The following DIMT1 variants were observed in gnomAD, a reference collection of about 807,000 sequenced individuals.
The protein encoded by DIMT1 is dimethyladenosine transferase.
A neutral mutation model predicts 43.2 loss-of-function variants in DIMT1; 36 were observed. The ratio of observed to expected loss-of-function variants is 0.83; its 90% CI spans 0.64 to 1.10. The LOEUF (loss-of-function observed/expected upper bound fraction) is 1.10, where lower values mean the gene tolerates loss of function less well. Among genes scored for constraint, DIMT1 ranks in the 50% least tolerant of loss-of-function variants. The pLI is 0.00. For missense variants in DIMT1, 341 were observed against 385.3 expected (o/e 0.88, Z 0.96); for synonymous variants, 126 against 130.3 (o/e 0.97, Z 0.22).
chr5:62,398,760 G>A (rs767158191), intron 4 of DIMT1, 21 bp from the exon 5 acceptor site: 47 of 1,613,730 alleles, frequency 2.9e-5, no homozygotes, highest in Non-Finnish European at 3.5e-5. Context: ...AAGAAGAAAT[G>A]TAAAAAGAAT....
chr5:62,389,980 A>G (rs1580117851), intron 11 of DIMT1, among the ~76,000 whole-genome samples: 1 of 152,264 alleles, frequency 6.6e-6, no homozygotes, highest in Non-Finnish European at 1.5e-5. Context: ...ATAGTATTCA[A>G]TGCCTAGGAT....
Position 62,403,901 on chromosome 5 carries a change from G to C in DIMT1, c.-129C>G, listed in dbSNP as rs1458483893. ...CCACTCTGGCCCAAGCGCCGGAGGG[G>C]CAAGGGTCCGCCCCCTCCCGTACGC... is the stretch of plus-strand genomic sequence containing the variant. On this transcript the variant is annotated 5_prime_UTR_variant, in exon 1 of 12. Coordinates refer to ENST00000199320, the MANE Select transcript of DIMT1 (RefSeq NM_014473.4). 2.7e-5 allele frequency: 25 copies of C among 938,374 alleles called. No individual in the cohort carries two copies. Among genetic ancestry groups the C allele is most frequent in the Non-Finnish European group, 3.6e-5 (23 of 634,042 alleles). 58.1% of individuals were successfully genotyped at this position (938,374 alleles called of 1,614,324 possible).
At chr5:62,394,375 T>C in intron 7 of DIMT1, 109 bp downstream of exon 7, 2 of 1,199,476 alleles carry the variant, frequency 1.7e-6, no homozygotes, top group Non-Finnish European at 2.4e-6. Flanking sequence ...CTCGAGAAGA[T>C]TGCTTGAGTA....
chr5:62,389,187 AT>A (rs1357437468), intron 11 of DIMT1, 135 bp from the exon 12 acceptor site: 1 of 726,008 alleles, frequency 1.4e-6, no homozygotes, highest in Non-Finnish European at 2.2e-6. Flanking sequence ...AATACTAGTT[AT>A]TAAAGAAACG....
intron 1 of DIMT1, 103 bp downstream of exon 1, chr5:62,403,590 GT>G: frequency 7.2e-7 from 1 of 1,383,496 alleles, no homozygotes; most frequent in Non-Finnish European, 1.0e-6. Context: ...ACGGGAGCGC[GT>G]CCTGACCGGC....
In DIMT1 at chr5:62,403,365, C is replaced by T. The variant is rs1475284479; in HGVS notation, c.80-19G>A. The T allele has an allele frequency of 1.2e-6, 2 of 1,610,062 alleles. No homozygotes were observed. Among genetic ancestry groups the T allele is most frequent in the Non-Finnish European group, 1.7e-6 (2 of 1,176,406 alleles). On this transcript the variant is annotated intron_variant, in intron 1 of 11. Transcript: ENST00000199320. Reference sequence around the variant, plus strand: ...ATGAGTCCTGTAAGAAAATACGAAACAGCATTAATTTTCCTACTGAGATTA... The same window carrying T: ...ATGAGTCCTGTAAGAAAATACGAAATAGCATTAATTTTCCTACTGAGATTA...
At position 62,394,555 on chromosome 5, in the gene DIMT1, G is replaced by A. The variant is rs778573002; in HGVS notation, c.499C>T (p.Pro167Ser). 8.1e-6 allele frequency: 13 copies of A among 1,614,066 alleles called. No homozygotes were observed. Among genetic ancestry groups the A allele is most frequent in the Non-Finnish European group, 9.3e-6 (11 of 1,180,034 alleles). Residue 167 changes from proline (P) to serine (S), a missense_variant, in exon 7 of 12, where the codon CCT becomes TCT. Pro to Ser is a moderately conservative substitution (Grantham distance 74, BLOSUM62 -1). Transcript: ENST00000199320. The part of the protein sequence containing the change: ...REFALRLVAK[P>S]GDKLYCRLSI... ...AGTCTGCAGTATAACTTATCTCCAG[G>A]TTTTGCAACCAGTCGGAGGGCAAAT...
intron 6 of DIMT1, 123 bp from the exon 7 acceptor site, chr5:62,394,730 G>T: frequency 2.5e-5 from 35 of 1,376,256 alleles, no homozygotes; most frequent in Non-Finnish European, 3.5e-5. Context: ...TAAGGTAGGA[G>T]AACACATTCA....
At position 62,387,407 on chromosome 5, in the gene DIMT1, C is replaced by A. The variant is rs942512288; in HGVS notation, c.*1603G>T. 1 of 152,120 alleles carries A rather than the reference C, an allele frequency of 6.6e-6. No homozygotes were observed. The highest frequency in any genetic ancestry group is 2.4e-5 in the African/African-American group (1 of 41,396). The allele number at this position is 152,120 out of a possible 1,614,324, so 9.4% of individuals were successfully genotyped here. ...ATGTGAATTTGCTCATTTTAAAGCACAACAGATGATTAGCTTCAAATTTAT... is the reference window on the plus strand; with the variant it reads ...ATGTGAATTTGCTCATTTTAAAGCAAAACAGATGATTAGCTTCAAATTTAT... On this transcript the variant is annotated 3_prime_UTR_variant, in exon 12 of 12. Transcript: ENST00000199320.
chr5:62,388,922 A>G lies in DIMT1; in HGVS notation c.*88T>C. 1.6e-6 allele frequency: 2 copies of G among 1,226,246 alleles called. No individual in the cohort carries two copies. Among genetic ancestry groups the G allele is most frequent in the Non-Finnish European group, 2.3e-6 (2 of 851,562 alleles). The allele number at this position is 1,226,246 out of a possible 1,614,324, so 76.0% of individuals were successfully genotyped here. A position where few individuals can be genotyped will look rare whatever the true frequency, so the allele number is the denominator to read the frequency against. ...AAAATAGTCAAGTAAATAATGTCTCAGTAAAGCAAAAGCATTATCTTCTCA... is the reference window on the plus strand; with the variant it reads ...AAAATAGTCAAGTAAATAATGTCTCGGTAAAGCAAAAGCATTATCTTCTCA... On this transcript the variant is annotated 3_prime_UTR_variant, in exon 12 of 12. Coordinates refer to ENST00000199320, the MANE Select transcript of DIMT1 (RefSeq NM_014473.4).
chr5:62,394,280 A>G (rs1294365006), intron 7 of DIMT1, among the ~76,000 whole-genome samples: 1 of 152,212 alleles, frequency 6.6e-6, no homozygotes, highest in Non-Finnish European at 1.5e-5. Flanking sequence ...AACCTGGGCA[A>G]CATAGCAAAA....
At chr5:62,399,466 C>CAAAACA (rs70981003) in intron 3 of DIMT1, among the ~76,000 whole-genome samples, 250 of 148,684 alleles carry the variant, frequency 1.7e-3, no homozygotes, top group African/African-American at 5.4e-3. Flanking sequence ...ACTCTTGTCT[C>CAAAACA]AAAACAAAAA....
In DIMT1 at chr5:62,395,255, C is replaced by T. The variant is rs528351491; in HGVS notation, c.447-648G>A. 2.6e-5 allele frequency among the ~76,000 whole-genome samples: 4 copies of T among 152,066 alleles called. No individual in the cohort carries two copies. In the South Asian group the frequency reaches 8.3e-4, roughly 32 times the overall value. ...GGCCAGGCTGGTCTGGAACTCCTGA[C>T]CTCAGGTGATCCGCCCACCTCAGCC... On this transcript the variant is annotated intron_variant, in intron 6 of 11. Coordinates refer to ENST00000199320, the MANE Select transcript of DIMT1 (RefSeq NM_014473.4).
rs770759775 is a variant in DIMT1 at position 62,403,279 on chromosome 5, G to A, written c.147C>T (p.Ile49=). The A allele has an allele frequency of 6.2e-7, 1 of 1,613,402 alleles. No individual in the cohort carries two copies. The highest frequency in any genetic ancestry group is 8.5e-7 in the Non-Finnish European group (1 of 1,179,486). The part of the protein sequence containing the change: ...LKNPLIINSI[I]DKAALRPTDV... ...TTTCCTCTTCCACACCCACCTTATC[G>A]ATAATGCTGTTAATAATGAGAGGAT... The change falls in exon 2 of 12, where the codon ATC becomes ATT. Residue 49 remains isoleucine, a synonymous_variant. Transcript: ENST00000199320.
At chr5:62,393,887 T>C (rs1742389487) in intron 8 of DIMT1, 68 bp downstream of exon 8, 2 of 1,397,248 alleles carry the variant, frequency 1.4e-6, no homozygotes, top group East Asian at 4.7e-5. Context: ...TTTCTGCTGT[T>C]ATAGGCACAC....
At chr5:62,397,391 G>A (rs1742535686) in intron 6 of DIMT1, among the ~76,000 whole-genome samples, 1 of 152,188 alleles carries the variant, frequency 6.6e-6, no homozygotes, top group African/African-American at 2.4e-5. Flanking sequence ...CATCTATCAA[G>A]TACAAAGTTT....
intron 3 of DIMT1, 142 bp from the exon 4 acceptor site, chr5:62,399,023 G>A (rs770083522): frequency 4.9e-5 from 36 of 729,272 alleles, no homozygotes; most frequent in Non-Finnish European, 7.1e-5. Context: ...AATTATACTC[G>A]CATACTTCAA....
At chr5:62,403,501 C>T (rs1010057592) in intron 1 of DIMT1, among the ~76,000 whole-genome samples, 155 bp from the exon 2 acceptor site, 8 of 152,362 alleles carry the variant, frequency 5.3e-5, no homozygotes, top group African/African-American at 1.7e-4. Flanking sequence ...ATAAGTTCAT[C>T]CTCCAGCTGG....
rs1427204441 is a variant in DIMT1 at position 62,402,043 on chromosome 5, G to A, written c.233C>T (p.Ala78Val). 6.2e-7 allele frequency: 1 copy of A among 1,606,536 alleles called. No individual in the cohort carries two copies. The highest frequency in any genetic ancestry group is 8.5e-7 in the Non-Finnish European group (1 of 1,177,880). ...GNMTVKLLEK[A>V]KKVVACELDP... ...ATTAAATCCCCTTTCTACCTTTTTTGCCTTTTCTAACAACTTTACAGTCAT... is the reference window on the plus strand; with the variant it reads ...ATTAAATCCCCTTTCTACCTTTTTTACCTTTTCTAACAACTTTACAGTCAT... The change falls in exon 3 of 12, where the codon GCA (alanine) becomes GTA (valine). Residue 78 changes from alanine (A) to valine (V), a missense_variant. Physicochemically the swap from Ala to Val is moderately conservative, Grantham distance 64. Coordinates refer to ENST00000199320, the MANE Select transcript of DIMT1 (RefSeq NM_014473.4).
Sources: allele counts gnomAD v4.1 joint callset (sites outside exome capture counted in the v4.1 genomes callset), GRCh38; gene constraint gnomAD v4.1.1; transcripts MANE v1.5; gene names NCBI Gene and HGNC (gene_info 2026-07-23, HGNC 2026-07-21).